The following ABCC4 variants were observed in gnomAD, a reference collection of about 807,000 sequenced individuals.
The protein encoded by ABCC4 is ATP binding cassette subfamily C member 4 (PEL blood group).
In ABCC4, 102 loss-of-function variants were observed where a neutral mutation model predicts 168.5. The ratio of observed to expected loss-of-function variants is 0.61; its 90% CI spans 0.52 to 0.71. ABCC4 has a LOEUF of 0.71. Ranked by LOEUF, ABCC4 falls within the 30% of genes least tolerant of loss-of-function variation. The pLI, the probability that ABCC4 is intolerant of heterozygous loss-of-function variation, is 0.00. For missense variants in ABCC4, 1,402 were observed against 1,605.8 expected, an observed-to-expected ratio of 0.87 and a Z score of 2.17; for synonymous variants, 617 against 590.7, an observed-to-expected ratio of 1.04 and a Z score of -0.65.
At chr13:95,178,389 A>G (rs1305407248) in intron 11 of ABCC4, among the ~76,000 whole-genome samples, 2 of 152,220 alleles carry the variant, frequency 1.3e-5, no homozygotes, top group Non-Finnish European at 2.9e-5. Flanking sequence ...TTCAGCAGCG[A>G]AAGAGTTTCC....
intron 30 of ABCC4, among the ~76,000 whole-genome samples, chr13:95,034,250 A>G (rs541431884): frequency 4.6e-5 from 7 of 152,228 alleles, no homozygotes; most frequent in Admixed American, 1.3e-4. Context: ...ATGAAATGCA[A>G]TGGGTTTGCA....
intron 19 of ABCC4, among the ~76,000 whole-genome samples, chr13:95,125,506 A>C (rs1348674488): frequency 6.6e-6 from 1 of 150,774 alleles, no homozygotes; most frequent in African/African-American, 2.4e-5. Flanking sequence ...AAGTTACAGG[A>C]GGCCATAACT....
chr13:95,250,206 T>C (rs1257928073), intron 1 of ABCC4, among the ~76,000 whole-genome samples: 1 of 152,160 alleles, frequency 6.6e-6, no homozygotes, highest in Non-Finnish European at 1.5e-5. Context: ...GGGGGTCTAG[T>C]CAACAATTCC....
At chr13:95,221,707 A>G (rs1012100497) in intron 4 of ABCC4, among the ~76,000 whole-genome samples, 5 of 152,166 alleles carry the variant, frequency 3.3e-5, no homozygotes, top group African/African-American at 4.8e-5. Context: ...CAATGAAAAA[A>G]TGTAAAAATT....
At chr13:95,247,547 A>G (rs1443024146) in intron 2 of ABCC4, 96 bp downstream of exon 2, 3 of 893,736 alleles carry the variant, frequency 3.4e-6, no homozygotes, top group Admixed American at 2.2e-5. Context: ...TTAAGGGTAA[A>G]CGGAGGCTCC....
At chr13:95,161,405 A>G in intron 18 of ABCC4, 70 bp from the exon 19 acceptor site, 1 of 1,274,212 alleles carries the variant, frequency 7.8e-7, no homozygotes, top group Middle Eastern at 2.0e-4. Flanking sequence ...TGCTAAAGCA[A>G]GCCAGGTAGT....
Position 95,044,898 on chromosome 13 carries a change from CA to C in ABCC4, c.3457-461del, listed in dbSNP as rs200618386. ...CTGGAGGATTAACTGTAAATGGACA[CA>C]AGGAAATTTCTTGGGGTAAGAGAGA... On this transcript the variant is annotated intron_variant, in intron 27 of 30. Transcript: ENST00000645237. Among the ~76,000 whole-genome samples, 1,232 of 152,232 alleles carry C rather than the reference CA, an allele frequency of 8.1e-3. 5 individuals carry two copies. The highest frequency in any genetic ancestry group is 0.018 in the Admixed American group (276 of 15,282).
intron 25 of ABCC4, among the ~76,000 whole-genome samples, chr13:95,066,378 T>C (rs1453123628): frequency 1.3e-5 from 2 of 152,122 alleles, no homozygotes; most frequent in Non-Finnish European, 2.9e-5. Flanking sequence ...GGAGCAGGCA[T>C]TTATATACTA....
At chr13:95,085,646 G>T (rs1272398398) in intron 20 of ABCC4, among the ~76,000 whole-genome samples, 1 of 152,110 alleles carries the variant, frequency 6.6e-6, no homozygotes. Flanking sequence ...TGTCTTCTCA[G>T]CACCACCACC....
chr13:95,294,220 C>T (rs1035973902), intron 1 of ABCC4, among the ~76,000 whole-genome samples: 2 of 151,876 alleles, frequency 1.3e-5, no homozygotes, highest in African/African-American at 2.4e-5. Flanking sequence ...ATTATCCGGG[C>T]GTGGTTTTGA....
chr13:95,070,440 T>A (rs1386878773), intron 25 of ABCC4, among the ~76,000 whole-genome samples: 1 of 152,052 alleles, frequency 6.6e-6, no homozygotes, highest in East Asian at 1.9e-4. Context: ...GATTCTACTG[T>A]CTTGTTTGTT....
intron 19 of ABCC4, among the ~76,000 whole-genome samples, chr13:95,145,556 G>A (rs2036464029): frequency 6.6e-6 from 1 of 151,410 alleles, no homozygotes; most frequent in East Asian, 1.9e-4. Context: ...TCCGGGAGGT[G>A]GAGGTTACAG....
chr13:95,096,886 T>C (rs2034617662), intron 20 of ABCC4, among the ~76,000 whole-genome samples: 1 of 152,070 alleles, frequency 6.6e-6, no homozygotes, highest in South Asian at 2.1e-4. Flanking sequence ...GACAAATATG[T>C]GAATAAATAT....
intron 14 of ABCC4, among the ~76,000 whole-genome samples, chr13:95,169,904 TGGAGTGCAAC>T (rs1375823698): frequency 2.6e-5 from 4 of 152,254 alleles, no homozygotes; most frequent in Non-Finnish European, 5.9e-5. Context: ...TAGCCCAGGC[TGGAGTGCAAC>T]GGCATGATCT....
chr13:95,032,298 A>G (rs183378801), intron 30 of ABCC4, among the ~76,000 whole-genome samples: 2 of 152,330 alleles, frequency 1.3e-5, no homozygotes, highest in Non-Finnish European at 2.9e-5. Context: ...CCTCTTAAAC[A>G]GGCATAATGA....
chr13:95,245,640 T>C (rs2040084682), intron 3 of ABCC4, among the ~76,000 whole-genome samples: 1 of 152,148 alleles, frequency 6.6e-6, no homozygotes, highest in Non-Finnish European at 1.5e-5. Flanking sequence ...CACAGTAGCA[T>C]GCAGGCAGGG....
At chr13:95,255,407 A>G (rs1001159064) in intron 1 of ABCC4, among the ~76,000 whole-genome samples, 1 of 152,176 alleles carries the variant, frequency 6.6e-6, no homozygotes, top group Non-Finnish European at 1.5e-5. Context: ...CAAAATAGCC[A>G]TTCTCCATGC....
At chr13:95,208,286 G>C (rs1259813143) in intron 6 of ABCC4, among the ~76,000 whole-genome samples, 1 of 150,322 alleles carries the variant, frequency 6.7e-6, no homozygotes, top group Non-Finnish European at 1.5e-5. Flanking sequence ...AAGTGCTGGG[G>C]AGCAGAAAAG....
chr13:95,212,116 A>G (rs1046701867), intron 4 of ABCC4, among the ~76,000 whole-genome samples: 1 of 150,348 alleles, frequency 6.7e-6, no homozygotes, highest in Admixed American at 6.7e-5. Context: ...CAGGGGTTGC[A>G]ATCAGCCAAG....
Sources: gnomAD v4.1 joint callset for allele counts (sites outside exome capture counted in the v4.1 genomes callset) on GRCh38, gnomAD v4.1.1 for gene constraint, MANE v1.5 for transcripts, NCBI Gene and HGNC (gene_info 2026-07-23, HGNC 2026-07-21) for gene names.